Variants in RORA observed in about 807,000 individuals in gnomAD.
The protein encoded by RORA is RAR related orphan receptor A, also known as nuclear receptor ROR-alpha.
RORA carries 7 observed loss-of-function variants against 69.5 expected under a neutral mutation model. The ratio of observed to expected loss-of-function variants is 0.10; its 90% CI spans 0.06 to 0.19. RORA has a LOEUF of 0.19. Among genes scored for constraint, RORA ranks in the 10% least tolerant of loss-of-function variants. RORA has a pLI of 1.00. For missense variants in RORA, 457 were observed against 663.0 expected, an observed-to-expected ratio of 0.69 and a Z score of 3.41; for synonymous variants, 261 against 240.8, an observed-to-expected ratio of 1.08 and a Z score of -0.78.
chr15:60,857,648 C>G (rs970270163), intron 1 of RORA, among the ~76,000 whole-genome samples: 1 of 152,176 alleles, frequency 6.6e-6, no homozygotes, highest in Admixed American at 6.5e-5. Context: ...ACACGCCCTG[C>G]AAAATGGCAC....
chr15:60,578,393 G>A (rs916234579), intron 2 of RORA, among the ~76,000 whole-genome samples: 3 of 152,178 alleles, frequency 2.0e-5, no homozygotes, highest in African/African-American at 7.2e-5. Flanking sequence ...TTGGATACAA[G>A]TTTTCCAAAA....
chr15:61,223,079 C>T (rs1434456787), intron 1 of RORA, among the ~76,000 whole-genome samples: 1 of 151,970 alleles, frequency 6.6e-6, no homozygotes. Context: ...TTTGGGAGGC[C>T]GAGGCGGGTG....
chr15:60,779,160 G>C (rs1017203299), intron 1 of RORA, among the ~76,000 whole-genome samples: 1 of 152,182 alleles, frequency 6.6e-6, no homozygotes, highest in Admixed American at 6.5e-5. Context: ...AATTTGGATT[G>C]CTGTGCAAAG....
At chr15:61,204,502 G>A (rs1162830360) in intron 1 of RORA, among the ~76,000 whole-genome samples, 1 of 152,238 alleles carries the variant, frequency 6.6e-6, no homozygotes, top group Non-Finnish European at 1.5e-5. Context: ...GAGCACGTAT[G>A]TGAGTAGGGG....
At chr15:60,716,622 G>A (rs1363250600) in intron 1 of RORA, among the ~76,000 whole-genome samples, 2 of 152,120 alleles carry the variant, frequency 1.3e-5, no homozygotes, top group Admixed American at 6.5e-5. Context: ...TCAGGGACAG[G>A]TCTCTGATCT....
intron 1 of RORA, among the ~76,000 whole-genome samples, chr15:61,040,163 T>TAA (rs1381690492): frequency 1.3e-4 from 14 of 108,964 alleles, no homozygotes; most frequent in East Asian, 5.5e-4. Context: ...TATATATATA[T>TAA]AAAATATATG....
At chr15:60,862,605 G>C (rs1449484055) in intron 1 of RORA, among the ~76,000 whole-genome samples, 1 of 152,170 alleles carries the variant, frequency 6.6e-6, no homozygotes, top group African/African-American at 2.4e-5. Flanking sequence ...AGAAGCTAAA[G>C]GAAAGAAATG....
rs538716159 is a variant in RORA at position 61,140,065 on chromosome 15, C to T, written c.166+88988G>A. On this transcript the variant is annotated intron_variant, in intron 1 of 10. Transcript: ENST00000335670. ...AAATGTAACCACTGGTGTGCATATACATTCACAGTACACTGAATGTACAAT... is the reference window on the plus strand; with the variant it reads ...AAATGTAACCACTGGTGTGCATATATATTCACAGTACACTGAATGTACAAT... Among the ~76,000 whole-genome samples, 8 of 152,284 alleles carry T rather than the reference C, an allele frequency of 5.3e-5. No individual in the cohort carries two copies. In the South Asian group the frequency reaches 8.3e-4, roughly 16 times the overall value.
At chr15:60,999,953 T>C (rs68016289) in intron 1 of RORA, among the ~76,000 whole-genome samples, 20,643 of 151,754 alleles carry the variant, frequency 0.14, 1,707 homozygotes, top group African/African-American at 0.23. Flanking sequence ...TCTGCCCCTT[T>C]CCCCCTCAAA....
intron 1 of RORA, among the ~76,000 whole-genome samples, chr15:61,085,357 G>C (rs1409515257): frequency 6.6e-6 from 1 of 152,186 alleles, no homozygotes; most frequent in East Asian, 1.9e-4. Flanking sequence ...TGGTGGGAAA[G>C]TGACCTGCCC....
intron 1 of RORA, among the ~76,000 whole-genome samples, chr15:61,112,181 T>C (rs964792285): frequency 2.0e-5 from 3 of 152,134 alleles, no homozygotes; most frequent in African/African-American, 7.2e-5. Flanking sequence ...ATATATGTGA[T>C]TGTGTAATTT....
intron 1 of RORA, among the ~76,000 whole-genome samples, chr15:60,781,992 C>G (rs764031094): frequency 1.1e-4 from 17 of 152,094 alleles, no homozygotes; most frequent in Non-Finnish European, 1.6e-4. Flanking sequence ...TCTGGGAGGC[C>G]GACGAGGGCG....
At chr15:61,029,478 A>C (rs1001591717) in intron 1 of RORA, among the ~76,000 whole-genome samples, 11 of 152,162 alleles carry the variant, frequency 7.2e-5, no homozygotes, top group African/African-American at 2.2e-4. Context: ...GAAAGGACAC[A>C]ATGGAATTTA....
chr15:61,219,187 C>G (rs1164641737), intron 1 of RORA, among the ~76,000 whole-genome samples: 1 of 152,170 alleles, frequency 6.6e-6, no homozygotes, highest in Non-Finnish European at 1.5e-5. Context: ...CAATTACTGA[C>G]AATGTTCCAC....
At chr15:61,193,659 A>G (rs1441305072) in intron 1 of RORA, among the ~76,000 whole-genome samples, 2 of 152,176 alleles carry the variant, frequency 1.3e-5, no homozygotes, top group Non-Finnish European at 2.9e-5. Context: ...ACCAATAATA[A>G]TAATAGCAGC....
At chr15:60,740,307 T>G (rs1595675108) in intron 1 of RORA, among the ~76,000 whole-genome samples, 1 of 152,186 alleles carries the variant, frequency 6.6e-6, no homozygotes, top group Non-Finnish European at 1.5e-5. Context: ...CCAAATAAAG[T>G]TGCACAGTCC....
intron 2 of RORA, among the ~76,000 whole-genome samples, chr15:60,554,719 A>G (rs1428229004): frequency 1.3e-5 from 2 of 152,172 alleles, no homozygotes; most frequent in Non-Finnish European, 2.9e-5. Context: ...AGGCTGGGTA[A>G]GAGAAGCCAC....
chr15:60,528,159 A>C (rs999685704), intron 3 of RORA: 1 of 152,236 alleles, frequency 6.6e-6, no homozygotes, highest in African/African-American at 2.4e-5. Flanking sequence ...GGGCTCAAGC[A>C]ATCCTCCTGC....
chr15:60,941,842 G>A (rs949679232), intron 1 of RORA, among the ~76,000 whole-genome samples: 5 of 152,168 alleles, frequency 3.3e-5, no homozygotes, highest in African/African-American at 1.2e-4. Flanking sequence ...GTTTGCCCTT[G>A]AAAAGAAAAG....
Sources: gnomAD v4.1 joint callset for allele counts (sites outside exome capture counted in the v4.1 genomes callset) on GRCh38, gnomAD v4.1.1 for gene constraint, MANE v1.5 for transcripts, NCBI Gene and HGNC (gene_info 2026-07-23, HGNC 2026-07-21) for gene names.